GABRB1: variants seen among roughly 807,000 people sequenced by gnomAD.
GABRB1 encodes the protein gamma-aminobutyric acid receptor subunit beta-1.
In GABRB1, 17 loss-of-function variants were observed where a neutral mutation model predicts 51.6. The ratio of observed to expected loss-of-function variants is 0.33; its 90% confidence interval spans 0.23 to 0.49. The LOEUF (loss-of-function observed/expected upper bound fraction) is 0.49. Ranked by LOEUF, GABRB1 falls within the 20% of genes least tolerant of loss-of-function variation. The pLI is 0.99. For synonymous variants in GABRB1, 247 were observed against 218.9 expected (o/e 1.13, Z -1.14); for missense variants, 410 against 600.6 (o/e 0.68, Z 3.32).
At chr4:47,346,294 C>T in intron 5 of GABRB1, among the ~76,000 whole-genome samples, 1 of 152,056 alleles carries the variant, frequency 6.6e-6, no homozygotes. Flanking sequence ...GAAAACTCTA[C>T]ATAAAACTAA....
chr4:47,011,976 G>T (rs1724594513), intron 1 of GABRB1, among the ~76,000 whole-genome samples: 1 of 152,088 alleles, frequency 6.6e-6, no homozygotes, highest in Non-Finnish European at 1.5e-5. Context: ...TCTAACATTT[G>T]TCAAAATTGA....
At chr4:47,208,746 T>C (rs1193020325) in intron 4 of GABRB1, among the ~76,000 whole-genome samples, 1 of 152,098 alleles carries the variant, frequency 6.6e-6, no homozygotes, top group Non-Finnish European at 1.5e-5. Flanking sequence ...ATTACTTTGG[T>C]TTGCTTCTGA....
intron 3 of GABRB1, among the ~76,000 whole-genome samples, chr4:47,155,308 A>G (rs1387904588): frequency 6.6e-6 from 1 of 152,080 alleles, no homozygotes; most frequent in African/African-American, 2.4e-5. Context: ...TGGCATGAAT[A>G]TTTTACGGGG....
chr4:47,212,848 C>G (rs889192424), intron 4 of GABRB1, among the ~76,000 whole-genome samples: 6 of 152,120 alleles, frequency 3.9e-5, no homozygotes, highest in African/African-American at 1.4e-4. Context: ...CCCCAACAAT[C>G]CCTCCCTAGT....
intron 1 of GABRB1, among the ~76,000 whole-genome samples, chr4:47,009,946 C>A (rs1724537780): frequency 6.6e-6 from 1 of 152,150 alleles, no homozygotes; most frequent in Admixed American, 6.5e-5. Context: ...TGAAAGCTTC[C>A]TTTTTAAAGG....
intron 3 of GABRB1, among the ~76,000 whole-genome samples, chr4:47,080,113 G>T (rs1219832170): frequency 6.6e-6 from 1 of 152,058 alleles, no homozygotes; most frequent in Non-Finnish European, 1.5e-5. Flanking sequence ...CATTAACCTA[G>T]ATATTGATGT....
intron 1 of GABRB1, among the ~76,000 whole-genome samples, chr4:47,012,165 T>G (rs572630919): frequency 1.3e-5 from 2 of 152,216 alleles, no homozygotes; most frequent in Non-Finnish European, 2.9e-5. Context: ...CATTATTTTT[T>G]GTTTTAAATA....
intron 5 of GABRB1, among the ~76,000 whole-genome samples, chr4:47,339,823 GCACACA>G (rs150988131): frequency 0.01 from 1,470 of 141,964 alleles, 10 homozygotes; most frequent in African/African-American, 0.021. Context: ...ATAAATAAAT[GCACACA>G]CACACACACA....
intron 5 of GABRB1, among the ~76,000 whole-genome samples, chr4:47,327,245 A>G (rs1345021305): frequency 1.3e-5 from 2 of 152,028 alleles, no homozygotes; most frequent in African/African-American, 2.4e-5. Flanking sequence ...AGTCCCAACT[A>G]TCTGGGAGGT....
chr4:47,250,029 T>C (rs955622393), intron 4 of GABRB1, among the ~76,000 whole-genome samples: 2 of 152,154 alleles, frequency 1.3e-5, no homozygotes, highest in South Asian at 2.1e-4. Context: ...TTAACTTGTA[T>C]TTTTGTTTTA....
Position 47,020,574 on chromosome 4 carries a change from G to A in GABRB1, c.-19-11340G>A, listed in dbSNP as rs572934784. Among the ~76,000 whole-genome samples the A allele has an allele frequency of 3.9e-5, 6 of 152,210 alleles. No individual in the cohort carries two copies. In the South Asian group the frequency reaches 6.2e-4, roughly 16 times the overall value. On this transcript the variant is annotated intron_variant, in intron 1 of 3. Transcript: ENST00000513567. ...GGCAACCCTTCCATTTACTCAGCTC[G>A]AAGATATCGGAGTCATCTTTTACTC...
chr4:47,073,752 A>C (rs181880307), intron 3 of GABRB1, among the ~76,000 whole-genome samples: 5 of 152,328 alleles, frequency 3.3e-5, no homozygotes, highest in Admixed American at 3.3e-4. Context: ...TCTGGCACTC[A>C]TGCACCACCT....
At chr4:47,269,149 C>T (rs1320232500) in intron 4 of GABRB1, among the ~76,000 whole-genome samples, 2 of 152,080 alleles carry the variant, frequency 1.3e-5, no homozygotes, top group Non-Finnish European at 2.9e-5. Flanking sequence ...TATTCATTTG[C>T]ATCAGTCAAT....
At chr4:47,216,655 G>A (rs1436756893) in intron 4 of GABRB1, among the ~76,000 whole-genome samples, 2 of 151,866 alleles carry the variant, frequency 1.3e-5, no homozygotes, top group East Asian at 3.8e-4. Flanking sequence ...CGTATGATAA[G>A]GTCAACAACT....
rs115070631 is a variant in GABRB1 at position 47,047,661 on chromosome 4, G to A, written c.240+15177G>A. 4.4e-3 allele frequency among the ~76,000 whole-genome samples: 671 copies of A among 152,202 alleles called. 3 individuals carry two copies. Among genetic ancestry groups the A allele is most frequent in the South Asian group, 0.013 (64 of 4,818 alleles). On this transcript the variant is annotated intron_variant, in intron 3 of 8. Transcript: ENST00000295454. The stretch of plus-strand genomic sequence containing the variant: ...TTGGGTCCTAGGAAGAAATGCATTA[G>A]CAATTAATATTATTTATTCCTGAGT...
intron 3 of GABRB1, among the ~76,000 whole-genome samples, chr4:47,043,994 C>T (rs1301918243): frequency 6.6e-6 from 1 of 152,092 alleles, no homozygotes; most frequent in East Asian, 1.9e-4. Context: ...GGAGTTATTT[C>T]ATACGTTTTC....
At chr4:47,407,203 G>A (rs1728606934) in intron 8 of GABRB1, among the ~76,000 whole-genome samples, 1 of 152,160 alleles carries the variant, frequency 6.6e-6, no homozygotes. Flanking sequence ...TGCTAGATTT[G>A]CATGGTAAAT....
At chr4:47,333,570 C>G (rs1323221932) in intron 5 of GABRB1, among the ~76,000 whole-genome samples, 1 of 152,038 alleles carries the variant, frequency 6.6e-6, no homozygotes, top group Non-Finnish European at 1.5e-5. Context: ...CAAAAATTAG[C>G]TGGGCATGGT....
intron 4 of GABRB1, among the ~76,000 whole-genome samples, chr4:47,298,836 C>T (rs1459132763): frequency 6.6e-6 from 1 of 152,034 alleles, no homozygotes; most frequent in Non-Finnish European, 1.5e-5. Context: ...TGACTTCAAA[C>T]TATACTACAA....
Sources: gnomAD v4.1 joint callset for allele counts (sites outside exome capture counted in the v4.1 genomes callset) on GRCh38, gnomAD v4.1.1 for gene constraint, MANE v1.5 for transcripts, NCBI Gene and HGNC (gene_info 2026-07-23, HGNC 2026-07-21) for gene names.